Variants in GALNT18 observed in about 807,000 individuals in gnomAD.
GALNT18 encodes the protein GalNAc-transferase 18.
A neutral mutation model predicts 69.5 loss-of-function variants in GALNT18; 44 were observed. The observed-to-expected ratio is 0.63, with a 90% CI of 0.50 to 0.81. The LOEUF (loss-of-function observed/expected upper bound fraction) is 0.81. Among genes scored for constraint, GALNT18 ranks in the 40% least tolerant of loss-of-function variants. The pLI is 0.00. For missense variants in GALNT18, 715 were observed against 810.0 expected, an observed-to-expected ratio of 0.88 and a Z score of 1.42; for synonymous variants, 364 against 318.2, an observed-to-expected ratio of 1.14 and a Z score of -1.53.
chr11:11,475,800 T>C (rs916782424), intron 1 of GALNT18: 2 of 152,084 alleles, frequency 1.3e-5, no homozygotes, highest in African/African-American at 4.8e-5. Context: ...ATGAAACAAG[T>C]CCCCAAGGCC....
At chr11:11,348,723 C>T (rs971412) in intron 6 of GALNT18, among the ~76,000 whole-genome samples, 145,134 of 152,238 alleles carry the variant, frequency 0.95, 69,541 homozygotes, top group East Asian at 1. Context: ...CTTTCTGCCA[C>T]TCTCTTTACT....
At position 11,543,465 on chromosome 11, in the gene GALNT18, T is replaced by C. The variant is rs535235841; in HGVS notation, c.235+77894A>G. Among the ~76,000 whole-genome samples the C allele has an allele frequency of 3.0e-4, 46 of 152,284 alleles. No individual in the cohort carries two copies. In the South Asian group the frequency reaches 9.1e-3, roughly 30 times the overall value. On this transcript the variant is annotated intron_variant, in intron 1 of 10. Coordinates refer to ENST00000227756, the MANE Select transcript of GALNT18 (RefSeq NM_198516.3). This position sits in a 1 kb window ranked among gnomAD's most constrained non-coding sequence, Gnocchi z 5.1. ...TAGGTCGGGGATGTCCCTTCTCTGC[T>C]ACCCTGTCCCCACCGTCCCCACCAC...
At chr11:11,301,352 C>T (rs993580242) in intron 9 of GALNT18, among the ~76,000 whole-genome samples, 1 of 152,214 alleles carries the variant, frequency 6.6e-6, no homozygotes, top group Non-Finnish European at 1.5e-5. Context: ...GCAGGCCTCT[C>T]TGCAGACAGG....
intron 3 of GALNT18, among the ~76,000 whole-genome samples, chr11:11,420,939 C>T (rs905362110): frequency 3.9e-5 from 6 of 152,044 alleles, no homozygotes; most frequent in African/African-American, 1.2e-4. Flanking sequence ...TATTTGATTC[C>T]TGCCAGCTTC....
In GALNT18 at chr11:11,616,037, T is replaced by C. The variant is rs1459611640; in HGVS notation, c.235+5322A>G. 6.6e-6 allele frequency among the ~76,000 whole-genome samples: 1 copy of C among 152,136 alleles called. No homozygotes were observed. The highest frequency in any genetic ancestry group is 1.5e-5 in the Non-Finnish European group (1 of 68,034). Reference sequence around the variant, plus strand: ...CTTTGTAGAGATGGGGGTCTCACCATGTTGTCCAGGTTGGTCTTGAACTCC... The same window carrying C: ...CTTTGTAGAGATGGGGGTCTCACCACGTTGTCCAGGTTGGTCTTGAACTCC... On this transcript the variant is annotated intron_variant, in intron 1 of 10. Coordinates refer to ENST00000227756, the MANE Select transcript of GALNT18 (RefSeq NM_198516.3). This position sits in a 1 kb window ranked among gnomAD's most constrained non-coding sequence, Gnocchi z 4.4.
chr11:11,344,426 A>G (rs761698792), intron 6 of GALNT18, among the ~76,000 whole-genome samples: 11 of 152,116 alleles, frequency 7.2e-5, no homozygotes, highest in Non-Finnish European at 1.5e-4. Context: ...AACTAACACC[A>G]TTGCAATTGC....
rs1401936848 is a variant in GALNT18, at chr11:11,619,364, T to C, written c.235+1995A>G. Among the ~76,000 whole-genome samples, 1 of 152,134 alleles carries C rather than the reference T, an allele frequency of 6.6e-6. No homozygotes were observed. Among genetic ancestry groups the C allele is most frequent in the Non-Finnish European group, 1.5e-5 (1 of 68,030 alleles). On this transcript the variant is annotated intron_variant, in intron 1 of 10. Transcript: ENST00000227756. The surrounding 1 kb of genome is among the most constrained non-coding windows in gnomAD (Gnocchi z 4.9). ...AGATTTGAAAGTGCTGAACAACACA[T>C]AGTTATAAAGTTTCCGGGGAGAAAA...
chr11:11,344,456 C>T (rs550984925), intron 6 of GALNT18, among the ~76,000 whole-genome samples: 1 of 152,198 alleles, frequency 6.6e-6, no homozygotes, highest in Non-Finnish European at 1.5e-5. Flanking sequence ...CACCTCCTTC[C>T]CTCTTGCAAA....
intron 1 of GALNT18, among the ~76,000 whole-genome samples, chr11:11,488,326 G>A (rs1463461189): frequency 6.6e-6 from 1 of 151,824 alleles, no homozygotes; most frequent in Non-Finnish European, 1.5e-5. Flanking sequence ...TCCTTGACTC[G>A]GGGTCCTCTT....
intron 9 of GALNT18, among the ~76,000 whole-genome samples, chr11:11,325,192 A>C (rs1488863744): frequency 6.6e-6 from 1 of 152,240 alleles, no homozygotes; most frequent in Non-Finnish European, 1.5e-5. Context: ...GAAATAAAAT[A>C]ATGTCTTTTG....
At chr11:11,399,642 C>A (rs1564929513) in intron 3 of GALNT18, among the ~76,000 whole-genome samples, 3 of 152,212 alleles carry the variant, frequency 2.0e-5, no homozygotes, top group Admixed American at 2.0e-4. Flanking sequence ...TTGAGGGCTT[C>A]ACTAACAGGG....
rs2133930154 is a variant in GALNT18, at chr11:11,592,341, CA to C, written c.235+29017del. Among the ~76,000 whole-genome samples, 1 of 152,322 alleles carries C rather than the reference CA, an allele frequency of 6.6e-6. No individual in the cohort carries two copies. The highest frequency in any genetic ancestry group is 6.5e-5 in the Admixed American group (1 of 15,300). ...TGTTTCCCACACATTGTCCAGCAGA[CA>C]AAAACATATTGACATGCTGTTCCTG... On this transcript the variant is annotated intron_variant, in intron 1 of 10. Coordinates refer to ENST00000227756, the MANE Select transcript of GALNT18 (RefSeq NM_198516.3). The surrounding 1 kb of genome is among the most constrained non-coding windows in gnomAD (Gnocchi z 5.9).
intron 1 of GALNT18, among the ~76,000 whole-genome samples, chr11:11,464,152 A>C (rs1019829894): frequency 6.6e-6 from 1 of 152,228 alleles, no homozygotes; most frequent in Non-Finnish European, 1.5e-5. Flanking sequence ...GCTCCTGTAC[A>C]AGGTCAGGCA....
At chr11:11,307,180 T>A (rs1253394318) in intron 9 of GALNT18, among the ~76,000 whole-genome samples, 5 of 144,228 alleles carry the variant, frequency 3.5e-5, no homozygotes, top group East Asian at 4.1e-4. Context: ...GAAAAAAAAA[T>A]GGATGTGTCT....
chr11:11,375,432 G>A (rs896449862), intron 5 of GALNT18, among the ~76,000 whole-genome samples: 6 of 152,226 alleles, frequency 3.9e-5, no homozygotes, highest in Non-Finnish European at 8.8e-5. Context: ...AACAGAAACA[G>A]TTACTGTCAA....
Position 11,327,153 on chromosome 11 carries a change from C to A in GALNT18, c.1445G>T (p.Cys482Phe). The A allele has an allele frequency of 6.2e-7, 1 of 1,614,094 alleles. No individual in the cohort carries two copies. The highest frequency in any genetic ancestry group is 8.5e-7 in the Non-Finnish European group (1 of 1,179,918). ...VLQNSLKTDL[C>F]LDQGPDTENV... ...CTCTGTATCTGGCCCCTGGTCAAGA[C>A]ACAAATCAGTCTTCAGAGAATTCTG... The change falls in exon 9 of 11, where the codon TGT becomes TTT. Residue 482 changes from cysteine (C) to phenylalanine (F), a missense_variant. Transcript: ENST00000227756.
At chr11:11,290,118 G>A (rs1279119035) in intron 10 of GALNT18, among the ~76,000 whole-genome samples, 2 of 152,086 alleles carry the variant, frequency 1.3e-5, no homozygotes, top group East Asian at 1.9e-4. Context: ...TACTCTTGTC[G>A]ATTGAGGACT....
At position 11,358,859 on chromosome 11, in the gene GALNT18, A is replaced by ACG. The variant is rs1554921793; in HGVS notation, c.1092+13655_1092+13656insCG. On this transcript the variant is annotated intron_variant, in intron 6 of 10. Transcript: ENST00000227756. Reference sequence around the variant, plus strand: ...CACACACACACACACACACACACACACACGCACAGACATGTTATCCCAAGC... The same window carrying ACG: ...CACACACACACACACACACACACACACGCACGCACAGACATGTTATCCCAAGC... Among the ~76,000 whole-genome samples, 485 of 130,100 alleles carry ACG rather than the reference A, an allele frequency of 3.7e-3. 49 individuals are homozygous for ACG. The highest frequency in any genetic ancestry group is 0.012 in the African/African-American group (411 of 33,158). The allele number at this position is 130,100 out of a possible 152,430, so 85.4% of individuals were successfully genotyped here. A position where few individuals can be genotyped will look rare whatever the true frequency, so the allele number is the denominator to read the frequency against.
intron 3 of GALNT18, among the ~76,000 whole-genome samples, chr11:11,394,721 C>T (rs1238507269): frequency 1.3e-5 from 2 of 152,230 alleles, no homozygotes; most frequent in African/African-American, 4.8e-5. Flanking sequence ...TTGCTCGAGA[C>T]AGCATCCAGG....
Sources: gnomAD v4.1 joint callset for allele counts (sites outside exome capture counted in the v4.1 genomes callset) on GRCh38, gnomAD v4.1.1 for gene constraint, Gnocchi (gnomAD v3.1) non-coding constraint, MANE v1.5 for transcripts, NCBI Gene and HGNC (gene_info 2026-07-23, HGNC 2026-07-21) for gene names.